TBC1D5: variants seen among roughly 807,000 people sequenced by gnomAD.
TBC1D5 encodes the protein TBC1 domain family member 5.
Under a neutral mutation model 100.3 loss-of-function variants are expected in TBC1D5, and 75 were observed. The ratio of observed to expected loss-of-function variants is 0.75; its 90% CI spans 0.62 to 0.91. The LOEUF (loss-of-function observed/expected upper bound fraction) is 0.91. Ranked by LOEUF, TBC1D5 falls within the 40% of genes least tolerant of loss-of-function variation. TBC1D5 has a pLI of 0.00. For synonymous variants in TBC1D5, 323 were observed against 325.6 expected (o/e 0.99, Z 0.09); for missense variants, 910 against 942.4 (o/e 0.97, Z 0.45).
intron 4 of TBC1D5, among the ~76,000 whole-genome samples, chr3:17,421,037 GAT>G (rs1268896550): frequency 6.6e-6 from 1 of 152,198 alleles, no homozygotes; most frequent in Non-Finnish European, 1.5e-5. Flanking sequence ...AGTGTGGGTT[GAT>G]AATTAGGGCT....
intron 2 of TBC1D5, among the ~76,000 whole-genome samples, chr3:17,598,286 C>A (rs1435369159): frequency 1.3e-5 from 2 of 152,138 alleles, no homozygotes; most frequent in Non-Finnish European, 2.9e-5. Context: ...TTCTTCACAA[C>A]ACAATAAAAA....
chr3:17,160,616 C>T (rs573350779), exon 22 of TBC1D5: 1 of 223,898 alleles, frequency 4.5e-6, no homozygotes, highest in African/African-American at 2.2e-5. Flanking sequence ...ACATTCTTAG[C>T]TGGGGAGAAG....
At chr3:17,510,167 G>A (rs2153232807) in intron 2 of TBC1D5, among the ~76,000 whole-genome samples, 1 of 152,134 alleles carries the variant, frequency 6.6e-6, no homozygotes, top group Admixed American at 6.5e-5. Context: ...ATAGGATATG[G>A]TCTTCACCTA....
intron 3 of TBC1D5, among the ~76,000 whole-genome samples, chr3:17,505,216 T>G (rs944766676): frequency 6.6e-6 from 1 of 152,084 alleles, no homozygotes; most frequent in African/African-American, 2.4e-5. Context: ...AGGAGGTGAA[T>G]TGATCAGGGG....
intron 1 of TBC1D5, among the ~76,000 whole-genome samples, chr3:17,673,668 TA>T (rs1314805827): frequency 6.6e-6 from 1 of 152,110 alleles, no homozygotes; most frequent in Non-Finnish European, 1.5e-5. Context: ...ATTTTCTTCT[TA>T]AAAAATTTAA....
chr3:17,238,254 G>C (rs978113884), exon 17 of TBC1D5: 4 of 1,613,906 alleles, frequency 2.5e-6, no homozygotes, highest in African/African-American at 1.3e-5. Context: ...CCTCTGCTGA[G>C]GTCCTGGTAG....
chr3:17,646,945 G>A (rs2065071536), intron 1 of TBC1D5: 1 of 151,762 alleles, frequency 6.6e-6, no homozygotes, highest in Non-Finnish European at 1.5e-5. Flanking sequence ...CCATCTTTAT[G>A]TCCATGCATA....
chr3:17,408,053 C>T (rs2093820045), intron 4 of TBC1D5, among the ~76,000 whole-genome samples: 2 of 151,936 alleles, frequency 1.3e-5, no homozygotes, highest in South Asian at 4.2e-4. Flanking sequence ...AGAGAATGGA[C>T]ATGAGAGGCA....
chr3:17,220,290 C>T (rs1381948927), intron 17 of TBC1D5, among the ~76,000 whole-genome samples: 1 of 152,040 alleles, frequency 6.6e-6, no homozygotes, highest in Non-Finnish European at 1.5e-5. Context: ...GAAGGCCTAC[C>T]ATCTTTGTGG....
Position 17,668,032 on chromosome 3 carries a change from T to A in TBC1D5, c.-100-44119A>T, listed in dbSNP as rs2067477682. Among the ~76,000 whole-genome samples, 3 of 151,602 alleles carry A rather than the reference T, an allele frequency of 2.0e-5. No homozygotes were observed. The South Asian group carries it at 6.2e-4, about 32-fold the overall frequency. On this transcript the variant is annotated intron_variant, in intron 1 of 21. Coordinates refer to ENST00000253692, the Ensembl canonical transcript of TBC1D5. ...GACCTTTGACTGTGTTATATTCTAT[T>A]AAAAGTAACAACATTCTACATATGA...
chr3:17,257,820 G>T (rs143182504), intron 16 of TBC1D5, among the ~76,000 whole-genome samples: 5 of 152,292 alleles, frequency 3.3e-5, no homozygotes, highest in African/African-American at 1.2e-4. Context: ...GCTTGAGGAA[G>T]AAAATTCGGA....
intron 15 of TBC1D5, among the ~76,000 whole-genome samples, chr3:17,261,485 G>A (rs557687727): frequency 1.3e-5 from 2 of 148,850 alleles, no homozygotes; most frequent in East Asian, 2.0e-4. Flanking sequence ...GGGGTGGGGT[G>A]GGGGGGGAGA....
At chr3:17,257,944 A>G (rs879706093) in intron 16 of TBC1D5, among the ~76,000 whole-genome samples, 3 of 152,158 alleles carry the variant, frequency 2.0e-5, no homozygotes, top group Admixed American at 1.3e-4. Flanking sequence ...AGACATCTCA[A>G]TATGATATTA....
chr3:17,467,805 G>A (rs1365821798), intron 3 of TBC1D5, among the ~76,000 whole-genome samples: 1 of 152,112 alleles, frequency 6.6e-6, no homozygotes, highest in African/African-American at 2.4e-5. Flanking sequence ...ACTGAGACAT[G>A]AGAATTGCTC....
chr3:17,533,448 G>A (rs1246018532), intron 2 of TBC1D5, among the ~76,000 whole-genome samples: 1 of 152,146 alleles, frequency 6.6e-6, no homozygotes, highest in Non-Finnish European at 1.5e-5. Context: ...GGAAGGAGAA[G>A]ATGAACATGT....
chr3:17,573,338 T>C (rs1229620475), intron 2 of TBC1D5, among the ~76,000 whole-genome samples: 3 of 152,130 alleles, frequency 2.0e-5, no homozygotes, highest in African/African-American at 7.2e-5. Context: ...GTATCTGGGC[T>C]CTTGAATTTT....
At chr3:17,719,751 T>C (rs1304516263) in intron 1 of TBC1D5, among the ~76,000 whole-genome samples, 1 of 152,184 alleles carries the variant, frequency 6.6e-6, no homozygotes, top group Non-Finnish European at 1.5e-5. Flanking sequence ...ATTTTTCACA[T>C]AGTACATTCA....
chr3:17,313,966 T>C (rs996319995), intron 13 of TBC1D5, among the ~76,000 whole-genome samples: 1 of 152,182 alleles, frequency 6.6e-6, no homozygotes. Flanking sequence ...CCTCCGGGGT[T>C]ATCACTGGCC....
chr3:17,739,548 A>G (rs544249214), exon 1 of TBC1D5: 61 of 152,362 alleles, frequency 4.0e-4, no homozygotes, highest in African/African-American at 1.2e-3. Flanking sequence ...ATAAAGGAAT[A>G]AAAAACTTTC....
Sources: gnomAD v4.1 joint callset for allele counts (sites outside exome capture counted in the v4.1 genomes callset) on GRCh38, gnomAD v4.1.1 for gene constraint, MANE v1.5 for transcripts, NCBI Gene and HGNC (gene_info 2026-07-23, HGNC 2026-07-21) for gene names.